CCM2: variants seen among roughly 807,000 people sequenced by gnomAD.
The protein encoded by CCM2 is cerebral cavernous malformations 2 protein.
CCM2 carries 25 observed loss-of-function variants against 44.9 expected under a neutral mutation model. The ratio of observed to expected loss-of-function variants is 0.56; its 90% CI spans 0.41 to 0.78. CCM2 has a LOEUF of 0.78. Ranked by LOEUF, CCM2 falls within the 30% of genes least tolerant of loss-of-function variation. The pLI is 0.00. For missense variants in CCM2, 481 were observed against 580.6 expected (o/e 0.83, Z 1.76); for synonymous variants, 219 against 241.1 (o/e 0.91, Z 0.85).
chr7:45,029,097 C>T (rs1231310809), intron 1 of CCM2, among the ~76,000 whole-genome samples: 1 of 151,970 alleles, frequency 6.6e-6, no homozygotes, highest in African/African-American at 2.4e-5. Context: ...TTCCCTCATT[C>T]CTGCTGGGCC....
chr7:45,038,402 C>G lies in CCM2; in HGVS notation c.180C>G (p.Ser60Arg), dbSNP rs763778029. 6.2e-7 allele frequency: 1 copy of G among 1,614,014 alleles called. No individual in the cohort carries two copies. Among genetic ancestry groups the G allele is most frequent in the African/African-American group, 1.3e-5 (1 of 75,008 alleles). Residue 60 changes from serine to arginine, a missense_variant, in exon 2 of 10, where the codon AGC (serine) becomes AGG (arginine). Transcript: ENST00000258781. ...PERVEPDRLL[S>R]DYIEKEVKYL... ...GCGTCGAGCCAGACAGACTGCTGAG[C>G]GACTATATTGAGAAGGAGGTAAAGG...
At chr7:45,051,234 G>C (rs1204411640) in intron 2 of CCM2, among the ~76,000 whole-genome samples, 1 of 152,072 alleles carries the variant, frequency 6.6e-6, no homozygotes, top group African/African-American at 2.4e-5. Flanking sequence ...GGGTCCCAAG[G>C]CCTCATTCCA....
intron 4 of CCM2, 64 bp downstream of exon 4, chr7:45,064,710 GT>G: frequency 6.4e-7 from 1 of 1,574,586 alleles, no homozygotes; most frequent in East Asian, 2.3e-5. Flanking sequence ...ATTTTATGAA[GT>G]TCTGGAGACA....
rs182098806 is a variant in CCM2, at chr7:45,066,999, C to G, written c.473-1444C>G. On this transcript the variant is annotated intron_variant, in intron 4 of 9. Transcript: ENST00000258781. ...CACTGCAAGCTCTGCCTCCCAGGTT[C>G]ACGCCATTCTCCTGCCTCAGCCTCC... 6.1e-3 allele frequency among the ~76,000 whole-genome samples: 926 copies of G among 151,156 alleles called. 3 individuals carry two copies. Among genetic ancestry groups the G allele is most frequent in the Non-Finnish European group, 9.6e-3 (655 of 67,906 alleles).
intron 1 of CCM2, among the ~76,000 whole-genome samples, chr7:45,009,647 G>A (rs896448065): frequency 1.3e-5 from 2 of 151,868 alleles, no homozygotes; most frequent in East Asian, 3.9e-4. Context: ...CAGATGATCC[G>A]CCCACCTCGG....
intron 1 of CCM2, among the ~76,000 whole-genome samples, chr7:45,016,271 A>G (rs1308885556): frequency 1.3e-5 from 2 of 152,198 alleles, no homozygotes; most frequent in Non-Finnish European, 2.9e-5. Context: ...AGGAGGAGTT[A>G]TGAATATTCA....
intron 2 of CCM2, among the ~76,000 whole-genome samples, chr7:45,055,578 A>G (rs559098663): frequency 6.7e-4 from 102 of 152,254 alleles, no homozygotes; most frequent in Non-Finnish European, 9.3e-4. Flanking sequence ...AATCCGAGCT[A>G]TTTGGGAGGC....
Position 45,076,113 on chromosome 7 carries a change from CAGA to C in CCM2, c.*59_*61del. The C allele has an allele frequency of 6.2e-7, 1 of 1,607,358 alleles. No homozygotes were observed. Among genetic ancestry groups the C allele is most frequent in the South Asian group, 1.1e-5 (1 of 90,520 alleles). On this transcript the variant is annotated 3_prime_UTR_variant, in exon 10 of 10. Coordinates refer to ENST00000258781, the MANE Select transcript of CCM2 (RefSeq NM_031443.4). ...TCCGCGCAGTCGTCATAGGCCTTCCCAGAAGGAGCTGCCCAGACCTGCGTGTCA... is the reference window on the plus strand; with the variant it reads ...TCCGCGCAGTCGTCATAGGCCTTCCCAGGAGCTGCCCAGACCTGCGTGTCA...
intron 1 of CCM2, among the ~76,000 whole-genome samples, chr7:45,021,719 G>A (rs1796489214): frequency 1.3e-5 from 2 of 152,000 alleles, no homozygotes; most frequent in African/African-American, 2.4e-5. Context: ...GGAGAATGGG[G>A]CAGGGGAAGA....
chr7:45,046,490 T>C (rs1409853184), intron 2 of CCM2, among the ~76,000 whole-genome samples: 1 of 152,138 alleles, frequency 6.6e-6, no homozygotes, highest in African/African-American at 2.4e-5. Flanking sequence ...AGCAATTCAG[T>C]GGAGAAGGGA....
chr7:45,073,596 G>C (rs776681743), intron 8 of CCM2, 25 bp downstream of exon 8: 1 of 1,545,694 alleles, frequency 6.5e-7, no homozygotes. Flanking sequence ...CAGGGACGCT[G>C]GGCTGCATGA....
chr7:45,038,402 C>CGA lies in CCM2; in HGVS notation c.181_182dup (p.Asp61GlufsTer8). On this transcript the variant is annotated frameshift_variant, in exon 2 of 10. Transcript: ENST00000258781. LOFTEE classifies it high-confidence loss of function. ...GCGTCGAGCCAGACAGACTGCTGAG[C>CGA]GACTATATTGAGAAGGAGGTAAAGG... 6.2e-7 allele frequency: 1 copy of CGA among 1,614,014 alleles called. No individual in the cohort carries two copies. Among genetic ancestry groups the CGA allele is most frequent in the Non-Finnish European group, 8.5e-7 (1 of 1,180,022 alleles).
intron 1 of CCM2, among the ~76,000 whole-genome samples, chr7:45,031,051 C>G (rs749898778): frequency 6.6e-6 from 1 of 152,002 alleles, no homozygotes; most frequent in Non-Finnish European, 1.5e-5. Context: ...TAGAACTTTC[C>G]TTTAAATTTA....
chr7:45,010,172 A>G (rs1283578458), intron 1 of CCM2, among the ~76,000 whole-genome samples: 4 of 152,192 alleles, frequency 2.6e-5, no homozygotes, highest in Non-Finnish European at 4.4e-5. Flanking sequence ...CGGCCTGCCA[A>G]AGTGTTGGTA....
In CCM2 at chr7:45,074,918, G is replaced by A. The variant is rs550516003; in HGVS notation, c.1054+510G>A. Among the ~76,000 whole-genome samples the A allele has an allele frequency of 3.2e-4, 48 of 152,338 alleles. No individual in the cohort carries two copies. The South Asian group carries it at 9.1e-3, about 29-fold the overall frequency. On this transcript the variant is annotated intron_variant, in intron 9 of 9. Transcript: ENST00000258781. The stretch of plus-strand genomic sequence containing the variant: ...TGTTGGCCCCACACCTCTCAGGGGC[G>A]GTGACTTAGCTGTGGTTTCCCTCTG...
At chr7:45,030,085 C>T (rs184806960) in intron 1 of CCM2, among the ~76,000 whole-genome samples, 156 of 152,234 alleles carry the variant, frequency 1.0e-3, no homozygotes, top group African/African-American at 3.5e-3. Context: ...CAGGTCCCTT[C>T]GACCCTCACA....
chr7:45,000,328 G>A lies in CCM2; in HGVS notation c.-6G>A, dbSNP rs1795540677. The A allele has an allele frequency of 3.1e-6, 4 of 1,276,722 alleles. No homozygotes were observed. The highest frequency in any genetic ancestry group is 1.6e-5 in the African/African-American group (1 of 63,652). 79.1% of individuals were successfully genotyped at this position (1,276,722 alleles called of 1,614,324 possible). ...CGGGCGGGCCGCGGGAGCCGCACGC[G>A]GCGATATGGAAGAGGAGGGCAAGAA... On this transcript the variant is annotated 5_prime_UTR_variant, in exon 1 of 10. Transcript: ENST00000258781.
intron 9 of CCM2, among the ~76,000 whole-genome samples, chr7:45,075,371 C>T (rs1045108391): frequency 6.6e-6 from 1 of 152,266 alleles, no homozygotes; most frequent in Admixed American, 6.5e-5. Context: ...GAGGACTGCA[C>T]CCTTGTTGCC....
chr7:45,007,328 C>A (rs796606259), intron 1 of CCM2, among the ~76,000 whole-genome samples: 22 of 152,254 alleles, frequency 1.4e-4, no homozygotes, highest in African/African-American at 5.3e-4. Flanking sequence ...CTGCATGCAT[C>A]GCTGTGTCCT....
Sources: gnomAD v4.1 joint callset for allele counts (sites outside exome capture counted in the v4.1 genomes callset) on GRCh38, gnomAD v4.1.1 for gene constraint, MANE v1.5 for transcripts, NCBI Gene and HGNC (gene_info 2026-07-23, HGNC 2026-07-21) for gene names.